The following NR4A1 variants were observed in gnomAD, a reference collection of about 807,000 sequenced individuals.
NR4A1 encodes nuclear receptor subfamily 4 group A member 1.
A neutral mutation model predicts 47.5 loss-of-function variants in NR4A1; 24 were observed. That is an observed-to-expected ratio of 0.50 (90% CI 0.37 to 0.71). NR4A1 has a LOEUF of 0.71. NR4A1 is among the 30% of genes least tolerant of loss of function. The pLI is 0.00. For synonymous variants in NR4A1, 353 were observed against 345.7 expected (o/e 1.02, Z -0.24); for missense variants, 669 against 788.6 (o/e 0.85, Z 1.82).
chr12:52,055,981 TCCCCA>T, intron 2 of NR4A1, 44 bp from the exon 3 acceptor site: 2 of 132,120 alleles, frequency 1.5e-5, no homozygotes, highest in Non-Finnish European at 2.9e-5. Flanking sequence ...AGTTCCCCCC[TCCCCA>T]CCCCACACTC....
At chr12:52,041,621 G>A (rs553658910) in intron 1 of NR4A1, among the ~76,000 whole-genome samples, 4 of 152,336 alleles carry the variant, frequency 2.6e-5, no homozygotes, top group African/African-American at 7.2e-5. Flanking sequence ...CCTGGAAGCA[G>A]ATTGCCTGGG....
In NR4A1 at chr12:52,056,091, A is replaced by G. The variant is rs1939255456; in HGVS notation, c.938A>G (p.Lys313Arg). The G allele has an allele frequency of 6.2e-7, 1 of 1,611,864 alleles. No individual in the cohort carries two copies. Among genetic ancestry groups the G allele is most frequent in the African/African-American group, 1.3e-5 (1 of 74,776 alleles). Residue 313 changes from lysine (K) to arginine (R), a missense_variant, in exon 3 of 7, where the codon AAG becomes AGG. By Grantham distance (26) the Lys-to-Arg change is conservative (BLOSUM62 2). Transcript: ENST00000394825. ...CLANKDCPVD[K>R]RRRNRCQFCR... ...GCTAACAAGGACTGCCCTGTGGACA[A>G]GAGGCGGCGAAACCGCTGCCAGTTC...
At chr12:52,042,022 T>C in intron 2 of NR4A1, 2 of 1,175,796 alleles carry the variant, frequency 1.7e-6, no homozygotes, top group Non-Finnish European at 1.1e-6. Flanking sequence ...CGGATGTGGT[T>C]AGGGGGATGG....
chr12:52,029,598 G>A (rs949197853), intron 1 of NR4A1, among the ~76,000 whole-genome samples: 1 of 152,202 alleles, frequency 6.6e-6, no homozygotes, highest in Non-Finnish European at 1.5e-5. Flanking sequence ...AAAAGTGGGA[G>A]GATCACTTGA....
At chr12:52,056,401 G>A (rs954467390) in intron 3 of NR4A1, 93 bp from the exon 4 acceptor site, 3 of 1,523,980 alleles carry the variant, frequency 2.0e-6, no homozygotes, top group East Asian at 2.4e-5. Context: ...TAGGGACTCG[G>A]TGGGGCGCGT....
At chr12:52,024,310 T>C (rs1251613315) in intron 1 of NR4A1, among the ~76,000 whole-genome samples, 1 of 152,230 alleles carries the variant, frequency 6.6e-6, no homozygotes, top group Non-Finnish European at 1.5e-5. Flanking sequence ...TTTTTCTGAA[T>C]ATAAAATATA....
At chr12:52,041,660 C>A in intron 1 of NR4A1, 1 of 868,734 alleles carries the variant, frequency 1.2e-6, no homozygotes, top group Non-Finnish European at 1.5e-6. Context: ...CAATGCCTAA[C>A]CCGGGGAGGT....
rs1442124333 is a variant in NR4A1 at position 52,055,223 on chromosome 12, T to C, written c.876+19T>C. On this transcript the variant is annotated intron_variant, in intron 2 of 6. Transcript: ENST00000394825. ...CTTCAAGGTACCGCGCAGCCCCAGG[T>C]GGGGCCTTTTGTTGGAAATGGAGAG... The C allele has an allele frequency of 1.9e-6, 3 of 1,608,496 alleles. No homozygotes were observed. The highest frequency in any genetic ancestry group is 2.5e-6 in the Non-Finnish European group (3 of 1,179,952).
At chr12:52,049,469 C>G (rs1442311733), upstream of NR4A1, among the ~76,000 whole-genome samples, 2 of 152,124 alleles carry the variant, frequency 1.3e-5, no homozygotes, top group Non-Finnish European at 2.9e-5. Context: ...GTCTGTGGGA[C>G]CAGTGAGGCA....
upstream of NR4A1, among the ~76,000 whole-genome samples, chr12:52,050,678 C>T (rs1179702186): frequency 2.6e-5 from 4 of 152,152 alleles, no homozygotes; most frequent in East Asian, 7.7e-4. Flanking sequence ...TCGGGAAGGT[C>T]CTGTGTAGGG....
At chr12:52,055,897 G>A (rs549623528) in intron 2 of NR4A1, 133 bp from the exon 3 acceptor site, 29 of 465,226 alleles carry the variant, frequency 6.2e-5, no homozygotes, top group South Asian at 2.4e-4. Context: ...CCACCCAAAT[G>A]TTAGAAAAAT....
Position 52,054,399 on chromosome 12 carries a change from AC to A in NR4A1, c.76del (p.Leu26Ter). 1 of 1,612,666 alleles carries A rather than the reference AC, an allele frequency of 6.2e-7. No homozygotes were observed. The highest frequency in any genetic ancestry group is 8.5e-7 in the Non-Finnish European group (1 of 1,179,630). On this transcript the variant is annotated frameshift_variant, in exon 2 of 7. Transcript: ENST00000394825. LOFTEE classifies it high-confidence loss of function. The stretch of plus-strand genomic sequence containing the variant: ...GGACCCCGTGACCACCTGGCAAGCG[AC>A]CCCCTGACCCCTGAGTTCATCAAGC... ...SPGPRDHLAS[D>X]PLTPEFIKPT...
intron 1 of NR4A1, among the ~76,000 whole-genome samples, chr12:52,034,123 G>T (rs1053127453): frequency 6.6e-6 from 1 of 152,174 alleles, no homozygotes; most frequent in African/African-American, 2.4e-5. Flanking sequence ...CTGCCCTGCC[G>T]CATACCTAAG....
Position 52,052,880 on chromosome 12 carries a change from G to C in NR4A1, c.-3+1312G>C, listed in dbSNP as rs1454387129. 2.0e-5 allele frequency among the ~76,000 whole-genome samples: 3 copies of C among 152,238 alleles called. No individual in the cohort carries two copies. The South Asian group carries it at 6.2e-4, about 31-fold the overall frequency. ...ACCTCTCGCAGGGTGCTGCATGCCT[G>C]TGGACTGGTGCCACTGGGTGTGTGG... On this transcript the variant is annotated intron_variant, in intron 1 of 6. Coordinates refer to ENST00000394825, the MANE Select transcript of NR4A1 (RefSeq NM_173157.3).
chr12:52,045,311 C>T (rs1394538877), intron 2 of NR4A1, among the ~76,000 whole-genome samples: 2 of 152,254 alleles, frequency 1.3e-5, no homozygotes, highest in South Asian at 4.1e-4. Context: ...CTGCAGGCTG[C>T]TGTGGTTGTC....
upstream of NR4A1, chr12:52,051,301 C>T (rs976260299): frequency 5.2e-5 from 33 of 631,438 alleles, 1 homozygote; most frequent in South Asian, 2.8e-4. Context: ...CGCACCTCCC[C>T]CTGGCCGCCT....
At chr12:52,041,393 G>A (rs552648262) in intron 1 of NR4A1, among the ~76,000 whole-genome samples, 33 of 152,218 alleles carry the variant, frequency 2.2e-4, no homozygotes, top group African/African-American at 6.7e-4. Context: ...GGGGGCCTCC[G>A]AGGCTTTAGG....
chr12:52,057,270 C>G lies in NR4A1; in HGVS notation c.1361+11C>G. On this transcript the variant is annotated intron_variant, in intron 5 of 6. Coordinates refer to ENST00000394825, the MANE Select transcript of NR4A1 (RefSeq NM_173157.3). ...CCGCCTGGCGTACAGGTGAGAGCCA[C>G]TGACTGTCTGCCCAGCCCCTTTCCC... 6.2e-7 allele frequency: 1 copy of G among 1,613,356 alleles called. No individual in the cohort carries two copies. Among genetic ancestry groups the G allele is most frequent in the Non-Finnish European group, 8.5e-7 (1 of 1,179,684 alleles).
At position 52,051,556 on chromosome 12, in the gene NR4A1, G is replaced by C. The variant is rs1179753460; in HGVS notation, c.-15G>C. The C allele has an allele frequency of 3.0e-6, 3 of 985,972 alleles. No homozygotes were observed. The allele number at this position is 985,972 out of a possible 1,614,324, so 61.1% of individuals were successfully genotyped here. On this transcript the variant is annotated 5_prime_UTR_variant, in exon 1 of 7. Coordinates refer to ENST00000394825, the MANE Select transcript of NR4A1 (RefSeq NM_173157.3). ...GGGCGCCAGTCCGGGCAGGGGCAGC[G>C]GGAGCCGGCCGGGTAGGTTCCCTTC...
Sources: gnomAD v4.1 joint callset for allele counts (sites outside exome capture counted in the v4.1 genomes callset) on GRCh38, gnomAD v4.1.1 for gene constraint, MANE v1.5 for transcripts, NCBI Gene and HGNC (gene_info 2026-07-23, HGNC 2026-07-21) for gene names.